The following SYTL2 variants were observed in gnomAD, a reference collection of about 807,000 sequenced individuals.
The protein encoded by SYTL2 is synaptotagmin-like protein 2.
SYTL2 carries 165 observed loss-of-function variants against 198.7 expected under a neutral mutation model. That is an observed-to-expected ratio of 0.83 (90% confidence interval 0.73 to 0.94). The LOEUF (loss-of-function observed/expected upper bound fraction) is 0.94. SYTL2 is among the 40% of genes least tolerant of loss of function. The probability of loss-of-function intolerance (pLI) is 0.00; values close to 1 mark genes in which losing one functional copy is unlikely to be tolerated. For synonymous variants in SYTL2, 966 were observed against 917.7 expected, an observed-to-expected ratio of 1.05 and a Z score of -0.95; for missense variants, 2,835 against 2,582.8, an observed-to-expected ratio of 1.10 and a Z score of -2.12.
intron 14 of SYTL2, among the ~76,000 whole-genome samples, chr11:85,708,556 A>T (rs931151520): frequency 7.2e-5 from 11 of 152,220 alleles, no homozygotes; most frequent in Non-Finnish European, 1.6e-4. Flanking sequence ...GTAAGATATA[A>T]TTTAAATATG....
intron 2 of SYTL2, 69 bp downstream of exon 2, chr11:85,757,556 C>T (rs1393735798): frequency 1.9e-6 from 3 of 1,551,022 alleles, no homozygotes; most frequent in East Asian, 2.3e-5. Flanking sequence ...TGAAAAAAAC[C>T]CCAGTGTCCT....
chr11:85,735,398 G>A (rs78516390), intron 6 of SYTL2, among the ~76,000 whole-genome samples: 382 of 152,178 alleles, frequency 2.5e-3, no homozygotes, highest in African/African-American at 8.3e-3. Flanking sequence ...GCAGAAATCA[G>A]AAAAGGAAAT....
chr11:85,734,127 T>C lies in SYTL2; in HGVS notation c.1202A>G (p.Tyr401Cys), dbSNP rs771700970. The change falls in exon 7 of 20, where the codon TAT (tyrosine) becomes TGT (cysteine). Residue 401 changes from tyrosine (Y) to cysteine (C), a missense_variant. Coordinates refer to ENST00000359152, the MANE Select transcript of SYTL2 (RefSeq NM_206927.4). ...CTGATGTGTTTCACTTTTTGATACATATGGGCTTGAGGTTGATTGATGAAA... is the reference window on the plus strand; with the variant it reads ...CTGATGTGTTTCACTTTTTGATACACATGGGCTTGAGGTTGATTGATGAAA... ...SLFHQSTSSP[Y>C]VSKSETHQPM... 6.2e-7 allele frequency: 1 copy of C among 1,614,180 alleles called. No homozygotes were observed. The highest frequency in any genetic ancestry group is 8.5e-7 in the Non-Finnish European group (1 of 1,180,008).
At chr11:85,701,688 A>G (rs936943655) in intron 16 of SYTL2, among the ~76,000 whole-genome samples, 1 of 152,236 alleles carries the variant, frequency 6.6e-6, no homozygotes, top group African/African-American at 2.4e-5. Flanking sequence ...TAGTGGAACT[A>G]AAACAGTTCC....
At chr11:85,743,264 T>C (rs2090929781) in intron 4 of SYTL2, among the ~76,000 whole-genome samples, 1 of 152,178 alleles carries the variant, frequency 6.6e-6, no homozygotes, top group African/African-American at 2.4e-5. Context: ...TAAGAAACAT[T>C]GCAGGAACTT....
intron 8 of SYTL2, 52 bp from the exon 9 acceptor site, chr11:85,721,011 ATCCTCT>A: frequency 2.9e-5 from 30 of 1,051,926 alleles, no homozygotes; most frequent in Non-Finnish European, 3.9e-5. Context: ...AAAAAAAAAA[ATCCTCT>A]AACATATGGA....
At chr11:85,783,801 G>A (rs1397413316) in intron 1 of SYTL2, among the ~76,000 whole-genome samples, 1 of 152,150 alleles carries the variant, frequency 6.6e-6, no homozygotes, top group Non-Finnish European at 1.5e-5. Context: ...ACCCCATGCT[G>A]CCTTCTTGGA....
At chr11:85,822,824 T>C in the SYTL2 span, among the ~76,000 whole-genome samples, 2 of 152,194 alleles carry the variant, frequency 1.3e-5, no homozygotes, top group East Asian at 3.8e-4. Flanking sequence ...AGTAGGACCG[T>C]AACTAACGCC....
At chr11:85,705,892 T>C (rs980028837) in intron 15 of SYTL2, among the ~76,000 whole-genome samples, 6 of 152,180 alleles carry the variant, frequency 3.9e-5, no homozygotes, top group Non-Finnish European at 7.4e-5. Flanking sequence ...GGTACAAAAA[T>C]TCTACAGGTG....
chr11:85,711,691 T>C (rs2086314516), intron 12 of SYTL2, among the ~76,000 whole-genome samples: 1 of 152,164 alleles, frequency 6.6e-6, no homozygotes, highest in Non-Finnish European at 1.5e-5. Flanking sequence ...TCAAATCTTT[T>C]ACTTGACACA....
intron 16 of SYTL2, among the ~76,000 whole-genome samples, chr11:85,704,391 A>G (rs2084805513): frequency 6.6e-6 from 1 of 152,138 alleles, no homozygotes; most frequent in Non-Finnish European, 1.5e-5. Context: ...TGAATCAAAA[A>G]TAATAAAACT....
At chr11:85,723,989 A>G in intron 8 of SYTL2, 43 bp downstream of exon 8, 4 of 1,199,710 alleles carry the variant, frequency 3.3e-6, no homozygotes, top group Non-Finnish European at 4.5e-6. Context: ...TCAGCATTCC[A>G]TAAAGCAGAC....
the SYTL2 span, among the ~76,000 whole-genome samples, chr11:85,829,545 C>T: frequency 6.6e-6 from 1 of 152,130 alleles, no homozygotes; most frequent in Non-Finnish European, 1.5e-5. Flanking sequence ...TAGAATGAAT[C>T]ACTTTTCTTT....
At chr11:85,741,074 T>G (rs544177844) in intron 4 of SYTL2, among the ~76,000 whole-genome samples, 7 of 152,098 alleles carry the variant, frequency 4.6e-5, no homozygotes, top group Non-Finnish European at 8.8e-5. Context: ...TTCTGAGGTT[T>G]TTTTTTTTTT....
chr11:85,852,624 C>T, the SYTL2 span: 1 of 179,660 alleles, frequency 5.6e-6, no homozygotes, highest in Non-Finnish European at 1.1e-5. Context: ...GATCTGCCAG[C>T]CTCGGCCTCC....
the SYTL2 span, among the ~76,000 whole-genome samples, chr11:85,834,878 G>A: frequency 6.6e-6 from 1 of 151,594 alleles, no homozygotes; most frequent in African/African-American, 2.4e-5. Flanking sequence ...TCTCACCTCA[G>A]CACCCCAAGT....
rs373244108 is a variant in SYTL2 at position 85,749,391 on chromosome 11, T to C, written c.102-968A>G. Among the ~76,000 whole-genome samples the C allele has an allele frequency of 2.6e-4, 40 of 152,338 alleles. No homozygotes were observed. The South Asian group carries it at 4.3e-3, about 17-fold the overall frequency. On this transcript the variant is annotated intron_variant, in intron 2 of 19. Coordinates refer to ENST00000359152, the MANE Select transcript of SYTL2 (RefSeq NM_206927.4). ...GTTTTAAGATAGTCATACAAACTAA[T>C]ATGCACTCTTCCTCAATTAGCAAAT...
the SYTL2 span, among the ~76,000 whole-genome samples, chr11:85,844,145 T>G: frequency 4.6e-5 from 7 of 152,334 alleles, no homozygotes; most frequent in Admixed American, 3.3e-4. Context: ...CCCCTGTTGG[T>G]GACTCTATCG....
intron 16 of SYTL2, 104 bp downstream of exon 16, chr11:85,704,754 A>G: frequency 1.2e-6 from 1 of 861,672 alleles, no homozygotes; most frequent in Non-Finnish European, 1.7e-6. Context: ...AAATTCTCCC[A>G]AACTACAGAT....
Sources: allele counts gnomAD v4.1 joint callset (sites outside exome capture counted in the v4.1 genomes callset), GRCh38; gene constraint gnomAD v4.1.1; transcripts MANE v1.5; gene names NCBI Gene and HGNC (gene_info 2026-07-23, HGNC 2026-07-21).